Variants in TRAPPC9 observed in about 807,000 individuals in gnomAD.
The protein encoded by TRAPPC9 is trafficking protein particle complex subunit 9.
In TRAPPC9, 83 loss-of-function variants were observed where a neutral mutation model predicts 124.0. The observed-to-expected ratio is 0.67, with a 90% CI of 0.56 to 0.80. The LOEUF (loss-of-function observed/expected upper bound fraction) is 0.80, where lower values mean the gene tolerates loss of function less well. Among genes scored for constraint, TRAPPC9 ranks in the 30% least tolerant of loss-of-function variants. TRAPPC9 has a pLI of 0.00. For missense variants in TRAPPC9, 1,302 were observed against 1,508.3 expected (o/e 0.86, Z 2.27); for synonymous variants, 638 against 617.5 (o/e 1.03, Z -0.49).
chr8:139,941,952 A>T (rs1833945679), intron 19 of TRAPPC9, among the ~76,000 whole-genome samples: 1 of 152,224 alleles, frequency 6.6e-6, no homozygotes, highest in African/African-American at 2.4e-5. Context: ...TGCAGGAAGG[A>T]CAGAGACACA....
At chr8:140,276,585 A>G (rs563822056) in intron 14 of TRAPPC9, among the ~76,000 whole-genome samples, 2 of 152,264 alleles carry the variant, frequency 1.3e-5, no homozygotes, top group Admixed American at 1.3e-4. Context: ...TGAATCCACA[A>G]AACTAATTGT....
intron 7 of TRAPPC9, among the ~76,000 whole-genome samples, chr8:140,375,894 G>A (rs1270976717): frequency 1.3e-5 from 2 of 152,116 alleles, no homozygotes; most frequent in South Asian, 2.1e-4. Flanking sequence ...GGAGAATGCC[G>A]GATGGGAAAC....
chr8:139,864,733 C>T (rs1355931012), intron 21 of TRAPPC9, among the ~76,000 whole-genome samples: 1 of 152,204 alleles, frequency 6.6e-6, no homozygotes, highest in Non-Finnish European at 1.5e-5. Flanking sequence ...TACCGCCCTT[C>T]CCAGGGTCAT....
upstream of TRAPPC9, chr8:140,458,473 CGCAGGGCCCGGGAG>C: frequency 6.4e-7 from 1 of 1,572,146 alleles, no homozygotes; most frequent in Non-Finnish European, 8.6e-7. Flanking sequence ...CCTCCAGGAT[CGCAGGGCCCGGGAG>C]GCACGTGAGG....
At chr8:139,804,309 C>A (rs1478887647) in intron 21 of TRAPPC9, among the ~76,000 whole-genome samples, 6 of 142,978 alleles carry the variant, frequency 4.2e-5, no homozygotes, top group African/African-American at 1.3e-4. Context: ...CACACAACCA[C>A]CACCACCCAC....
At chr8:140,350,027 A>G (rs933060527) in intron 9 of TRAPPC9, among the ~76,000 whole-genome samples, 2 of 152,208 alleles carry the variant, frequency 1.3e-5, no homozygotes, top group East Asian at 1.9e-4. Flanking sequence ...ACGTCTTCAC[A>G]ATCATCTAAC....
chr8:140,239,727 T>C (rs1411918275), intron 16 of TRAPPC9, among the ~76,000 whole-genome samples: 1 of 152,204 alleles, frequency 6.6e-6, no homozygotes, highest in Non-Finnish European at 1.5e-5. Flanking sequence ...CAAGTTTCCA[T>C]GAAATCCCTG....
chr8:139,912,373 C>T (rs991138315), intron 19 of TRAPPC9, among the ~76,000 whole-genome samples: 5 of 152,160 alleles, frequency 3.3e-5, no homozygotes, highest in Admixed American at 2.6e-4. Flanking sequence ...TGTATCATAG[C>T]CTACAGAATG....
chr8:139,891,559 G>A lies in TRAPPC9; in HGVS notation c.2965-5590C>T, dbSNP rs181251563. Among the ~76,000 whole-genome samples the A allele has an allele frequency of 1.6e-3, 237 of 152,360 alleles. 1 individual carries two copies. Among genetic ancestry groups the A allele is most frequent in the African/African-American group, 5.4e-3 (226 of 41,596 alleles). ...TGCAGGGTCCCGAACCCAGCTCAGC[G>A]GCACATGCGGCACCCTCCTGGAGCT... is the stretch of plus-strand genomic sequence containing the variant. On this transcript the variant is annotated intron_variant, in intron 20 of 22. Transcript: ENST00000438773.
At chr8:140,219,444 G>A (rs942266181) in intron 17 of TRAPPC9, among the ~76,000 whole-genome samples, 1 of 152,196 alleles carries the variant, frequency 6.6e-6, no homozygotes, top group African/African-American at 2.4e-5. Context: ...CTGCTGGCCT[G>A]AAGGACCCCA....
chr8:140,409,349 C>T (rs1022333683), intron 5 of TRAPPC9, among the ~76,000 whole-genome samples: 2 of 152,076 alleles, frequency 1.3e-5, no homozygotes, highest in Non-Finnish European at 2.9e-5. Flanking sequence ...GCATGCACTG[C>T]TACTGTGAGT....
At chr8:140,260,238 G>A (rs1379309532) in intron 15 of TRAPPC9, among the ~76,000 whole-genome samples, 5 of 152,094 alleles carry the variant, frequency 3.3e-5, no homozygotes, top group Non-Finnish European at 4.4e-5. Context: ...GAAGCCCCAC[G>A]GATCTGGCCT....
At chr8:140,163,983 G>A (rs116234305) in intron 17 of TRAPPC9, among the ~76,000 whole-genome samples, 2,668 of 152,256 alleles carry the variant, frequency 0.018, 80 homozygotes, top group African/African-American at 0.06. Flanking sequence ...TAACTCGTTC[G>A]TGAAGACAAG....
At position 139,751,138 on chromosome 8, in the gene TRAPPC9, G is replaced by A. The variant is rs531467451; in HGVS notation, c.3056-18936C>T. Among the ~76,000 whole-genome samples the A allele has an allele frequency of 9.8e-4, 150 of 152,336 alleles. 1 individual carries two copies. Among genetic ancestry groups the A allele is most frequent in the African/African-American group, 3.5e-3 (146 of 41,580 alleles). Reference sequence around the variant, plus strand: ...TTAGCACAGCCCTGCCTGGGAGAAAGGTTATGGGAGGTCAACATAGTCAGC... The same window carrying A: ...TTAGCACAGCCCTGCCTGGGAGAAAAGTTATGGGAGGTCAACATAGTCAGC... On this transcript the variant is annotated intron_variant, in intron 21 of 22. Transcript: ENST00000438773.
intron 1 of TRAPPC9, among the ~76,000 whole-genome samples, chr8:140,456,366 C>A (rs1180699070): frequency 2.0e-5 from 3 of 150,062 alleles, no homozygotes; most frequent in African/African-American, 7.4e-5. Flanking sequence ...GAGCCAAGAT[C>A]GTGCCATTGC....
intron 20 of TRAPPC9, among the ~76,000 whole-genome samples, chr8:139,909,937 C>T (rs909607049): frequency 2.0e-5 from 3 of 152,214 alleles, no homozygotes; most frequent in Non-Finnish European, 4.4e-5. Flanking sequence ...GACCTTTCCT[C>T]GCCCCCAATC....
intron 5 of TRAPPC9, among the ~76,000 whole-genome samples, chr8:140,406,379 T>C (rs189428802): frequency 1.3e-5 from 2 of 152,362 alleles, no homozygotes; most frequent in East Asian, 1.9e-4. Flanking sequence ...GCTGGGCTTC[T>C]ATGAAACCAC....
chr8:140,072,305 G>A (rs868403998), intron 17 of TRAPPC9, among the ~76,000 whole-genome samples: 5 of 152,238 alleles, frequency 3.3e-5, no homozygotes, highest in African/African-American at 7.2e-5. Flanking sequence ...AGGCTAAGGC[G>A]GGCAGCTCAC....
At chr8:139,941,487 C>T (rs142416467) in intron 19 of TRAPPC9, among the ~76,000 whole-genome samples, 29 of 152,268 alleles carry the variant, frequency 1.9e-4, no homozygotes, top group Non-Finnish European at 3.4e-4. Context: ...CACAGAGGGC[C>T]CAGTATGGCA....
Sources: allele counts gnomAD v4.1 joint callset (sites outside exome capture counted in the v4.1 genomes callset), GRCh38; gene constraint gnomAD v4.1.1; transcripts MANE v1.5; gene names NCBI Gene and HGNC (gene_info 2026-07-23, HGNC 2026-07-21).